The following ZNF486 variants were observed in gnomAD, a reference collection of about 807,000 sequenced individuals.
The protein encoded by ZNF486 is KRAB box only protein 2.
ZNF486 carries 12 observed loss-of-function variants against 12.8 expected under a neutral mutation model. That is an observed-to-expected ratio of 0.94 (90% confidence interval 0.60 to 1.52). The LOEUF (loss-of-function observed/expected upper bound fraction) is 1.52. Ranked by LOEUF, ZNF486 falls within the 40% of genes most tolerant of loss-of-function variation. The pLI is 0.00. For synonymous variants in ZNF486, 231 were observed against 184.9 expected (o/e 1.25, Z -2.02); for missense variants, 738 against 545.0 (o/e 1.35, Z -3.53).
intron 3 of ZNF486, among the ~76,000 whole-genome samples, chr19:20,189,458 A>G (rs1555716912): frequency 6.6e-6 from 1 of 152,194 alleles, no homozygotes; most frequent in African/African-American, 2.4e-5. Flanking sequence ...TTCCAGCAAG[A>G]AGCAACATGG....
At chr19:20,179,967 C>A (rs2089766211) in intron 1 of ZNF486, among the ~76,000 whole-genome samples, 2 of 152,172 alleles carry the variant, frequency 1.3e-5, no homozygotes, top group Non-Finnish European at 2.9e-5. Flanking sequence ...TTTCTCTCAT[C>A]CAAGAGCTAG....
chr19:20,174,341 G>T (rs1477851135), intron 1 of ZNF486, among the ~76,000 whole-genome samples: 1 of 151,826 alleles, frequency 6.6e-6, no homozygotes, highest in Non-Finnish European at 1.5e-5. Context: ...TGTAATGTTT[G>T]TAGACAAGCT....
intron 3 of ZNF486, among the ~76,000 whole-genome samples, chr19:20,186,807 G>C (rs10421160): frequency 0.01 from 904 of 87,804 alleles, 9 homozygotes; most frequent in African/African-American, 0.047. Context: ...TTTTTGAGAA[G>C]GAGTCTTGCT....
intron 1 of ZNF486, among the ~76,000 whole-genome samples, chr19:20,172,501 G>C (rs1296978081): frequency 6.6e-6 from 1 of 151,946 alleles, no homozygotes; most frequent in Non-Finnish European, 1.5e-5. Context: ...GTTTCACCAT[G>C]TTGGCCAGGC....
intron 3 of ZNF486, among the ~76,000 whole-genome samples, chr19:20,187,337 G>A (rs976418582): frequency 4.0e-5 from 6 of 151,802 alleles, no homozygotes; most frequent in African/African-American, 1.2e-4. Flanking sequence ...TACAAACAGC[G>A]ACTTTTTACT....
rs191554601 is a variant in ZNF486 at position 20,196,215 on chromosome 19, C to T, written c.254-749C>T. 2.1e-3 allele frequency among the ~76,000 whole-genome samples: 317 copies of T among 152,240 alleles called. 1 individual carries two copies. Among genetic ancestry groups the T allele is most frequent in the Middle Eastern group, 0.02 (6 of 294 alleles). ...TATTTTAGTAGAGATGGGGTTTTAC[C>T]GTGTTGGTCAGGCTGGTCTCAAACT... On this transcript the variant is annotated intron_variant, in intron 3 of 3. Transcript: ENST00000335117.
At position 20,184,352 on chromosome 19, in the gene ZNF486, T is replaced by C; in HGVS notation, c.31-4T>C. The C allele has an allele frequency of 6.2e-7, 1 of 1,612,540 alleles. No individual in the cohort carries two copies. Among genetic ancestry groups the C allele is most frequent in the East Asian group, 2.2e-5 (1 of 44,804 alleles). ...GAAAATGTGTGTGTGTGTGTGTTTT[T>C]CAGGAATCATTGCAATTTAGAGATG... On this transcript the variant is annotated splice_region_variant and splice_polypyrimidine_tract_variant and intron_variant, in intron 1 of 3. Transcript: ENST00000335117.
chr19:20,179,081 C>T (rs1204064910), intron 1 of ZNF486, among the ~76,000 whole-genome samples: 2 of 152,142 alleles, frequency 1.3e-5, no homozygotes, highest in Non-Finnish European at 1.5e-5. Flanking sequence ...CTAAATAAAG[C>T]AGGTTCTTTT....
intron 1 of ZNF486, among the ~76,000 whole-genome samples, chr19:20,174,595 G>A (rs1382429893): frequency 1.3e-5 from 2 of 151,872 alleles, no homozygotes; most frequent in Admixed American, 6.6e-5. Flanking sequence ...CACCATGTTC[G>A]CCAGTTTGAT....
chr19:20,191,963 A>C (rs1555717263), intron 3 of ZNF486, among the ~76,000 whole-genome samples: 1 of 151,984 alleles, frequency 6.6e-6, no homozygotes, highest in Non-Finnish European at 1.5e-5. Flanking sequence ...CACTTTTGTC[A>C]ATATTTGCTT....
intron 1 of ZNF486, 71 bp downstream of exon 1, chr19:20,167,431 CAGG>C: frequency 1.9e-6 from 3 of 1,540,336 alleles, no homozygotes; most frequent in Non-Finnish European, 2.7e-6. Context: ...TGGAGGGACT[CAGG>C]CCTCCCCGTA....
intron 1 of ZNF486, among the ~76,000 whole-genome samples, chr19:20,168,844 A>C (rs557011743): frequency 6.6e-6 from 1 of 152,048 alleles, no homozygotes; most frequent in East Asian, 2.0e-4. Flanking sequence ...GGGGGTTAAA[A>C]AAAATTTTTT....
Position 20,197,300 on chromosome 19 carries a change from A to G in ZNF486, c.590A>G (p.His197Arg). ...GDKAFNQSST[H>R]TTHKKIDTGE... ...AAAGCTTTTAACCAGTCCTCAACCC[A>G]TACTACACATAAAAAAATTGATACT... is the stretch of plus-strand genomic sequence containing the variant. The change falls in exon 4 of 4, where the codon CAT (histidine) becomes CGT (arginine). Residue 197 changes from histidine (H) to arginine (R), a missense_variant. His to Arg is a conservative substitution (Grantham distance 29, BLOSUM62 0). Transcript: ENST00000335117. The G allele has an allele frequency of 6.2e-7, 1 of 1,612,194 alleles. No homozygotes were observed. Among genetic ancestry groups the G allele is most frequent in the East Asian group, 2.2e-5 (1 of 44,858 alleles).
intron 1 of ZNF486, among the ~76,000 whole-genome samples, chr19:20,181,420 T>C (rs2089784142): frequency 6.6e-6 from 1 of 151,664 alleles, no homozygotes; most frequent in African/African-American, 2.4e-5. Context: ...GCGCCTGTAG[T>C]CCCAGCTACT....
chr19:20,195,114 C>T (rs1223094922), intron 3 of ZNF486, among the ~76,000 whole-genome samples: 1 of 152,010 alleles, frequency 6.6e-6, no homozygotes, highest in African/African-American at 2.4e-5. Flanking sequence ...TCAAATGATC[C>T]ACCCACCTCA....
At chr19:20,185,891 T>C (rs929892908) in intron 2 of ZNF486, 96 bp from the exon 3 acceptor site, 17 of 635,230 alleles carry the variant, frequency 2.7e-5, no homozygotes, top group Middle Eastern at 3.0e-4. Context: ...ATTAATTTAC[T>C]AGAATATTTT....
intron 1 of ZNF486, among the ~76,000 whole-genome samples, chr19:20,178,306 C>A (rs2089745882): frequency 6.6e-6 from 1 of 151,952 alleles, no homozygotes; most frequent in Admixed American, 6.6e-5. Context: ...TGCTGTGGTG[C>A]CTTCTCGGCT....
At chr19:20,187,064 T>G (rs112327488) in intron 3 of ZNF486, among the ~76,000 whole-genome samples, 11,308 of 152,050 alleles carry the variant, frequency 0.074, 604 homozygotes, top group African/African-American at 0.16. Context: ...ATTACAGGCA[T>G]GAGCCACCCC....
At chr19:20,193,118 T>C (rs2089918607) in intron 3 of ZNF486, among the ~76,000 whole-genome samples, 1 of 152,054 alleles carries the variant, frequency 6.6e-6, no homozygotes, top group Non-Finnish European at 1.5e-5. Context: ...ACATACATCT[T>C]AAAGTTAAAA....
Sources: allele counts gnomAD v4.1 joint callset (sites outside exome capture counted in the v4.1 genomes callset), GRCh38; gene constraint gnomAD v4.1.1; transcripts MANE v1.5; gene names NCBI Gene and HGNC (gene_info 2026-07-23, HGNC 2026-07-21).